Variants in OR4D1 observed in about 807,000 individuals in gnomAD.
The protein encoded by OR4D1 is olfactory receptor 4D1.
In OR4D1, 10 loss-of-function variants were observed where a neutral mutation model predicts 14.2. The ratio of observed to expected loss-of-function variants is 0.71; its 90% CI spans 0.44 to 1.20. The LOEUF (loss-of-function observed/expected upper bound fraction) is 1.20, where lower values mean the gene tolerates loss of function less well. Among genes scored for constraint, OR4D1 ranks in the 50% most tolerant of loss-of-function variants. The pLI, the probability that OR4D1 is intolerant of heterozygous loss-of-function variation, is 0.00. For synonymous variants in OR4D1, 141 were observed against 147.4 expected (o/e 0.96, Z 0.32); for missense variants, 345 against 376.6 (o/e 0.92, Z 0.70).
Position 58,157,721 on chromosome 17 carries a change from C to T in OR4D1, c.*1635C>T, listed in dbSNP as rs987407201. ...AGCGTCCATATACGCAGCATCCTAC[C>T]CGTTCCATAGACCTGTGCTTCCCAT... is the stretch of plus-strand genomic sequence containing the variant. On this transcript the variant is annotated 3_prime_UTR_variant, in exon 4 of 4. Transcript: ENST00000268912. The T allele has an allele frequency of 1.4e-5, 22 of 1,613,696 alleles. No homozygotes were observed. Among genetic ancestry groups the T allele is most frequent in the Non-Finnish European group, 1.8e-5 (21 of 1,179,808 alleles).
At chr17:58,154,550 C>T (rs1414125248) in intron 3 of OR4D1, among the ~76,000 whole-genome samples, 3 of 152,176 alleles carry the variant, frequency 2.0e-5, no homozygotes, top group African/African-American at 7.2e-5. Flanking sequence ...TTCGCTACAA[C>T]CAAGATTATC....
rs760127076 is a variant in OR4D1 at position 58,155,935 on chromosome 17, C to T, written c.782C>T (p.Pro261Leu). ...FIPCIYIYTW[P>L]FTPFLMDKAV... Reference sequence around the variant, plus strand: ...CCCTGTATCTATATCTATACCTGGCCCTTCACCCCATTCCTCATGGACAAG... The same window carrying T: ...CCCTGTATCTATATCTATACCTGGCTCTTCACCCCATTCCTCATGGACAAG... The change falls in exon 4 of 4, where the codon CCC (proline) becomes CTC (leucine). Residue 261 changes from proline (P) to leucine (L), a missense_variant. Coordinates refer to ENST00000268912, the MANE Select transcript of OR4D1 (RefSeq NM_001386095.1). 9.9e-6 allele frequency: 16 copies of T among 1,613,976 alleles called. No homozygotes were observed. The highest frequency in any genetic ancestry group is 1.4e-5 in the Non-Finnish European group (16 of 1,180,004).
chr17:58,156,045 A>G lies in OR4D1; in HGVS notation c.892A>G (p.Met298Val), dbSNP rs368147361. Reference protein sequence around the residue: ...TLRNQDMKAAMRRLGKCLVIC... With the variant: ...TLRNQDMKAAVRRLGKCLVIC... ...GAGAAACCAGGACATGAAAGCAGCC[A>G]TGAGGAGATTAGGCAAGTGCCTAGT... Residue 298 changes from methionine to valine, a missense_variant, in exon 4 of 4, where the codon ATG becomes GTG. Met to Val is a conservative substitution (Grantham distance 21). Coordinates refer to ENST00000268912, the MANE Select transcript of OR4D1 (RefSeq NM_001386095.1). 55 of 1,613,392 alleles carry G rather than the reference A, an allele frequency of 3.4e-5. No homozygotes were observed. The highest frequency in any genetic ancestry group is 4.2e-5 in the Non-Finnish European group (49 of 1,179,748).
In OR4D1 at chr17:58,157,088, C is replaced by A; in HGVS notation, c.*1002C>A. On this transcript the variant is annotated 3_prime_UTR_variant, in exon 4 of 4. Transcript: ENST00000268912. ...TCGGGCCAGGTCCGGGGCCTGGGGA[C>A]GCCGAGGCGGCCGCGGAGGAGCGCC... The A allele has an allele frequency of 6.9e-7, 1 of 1,457,510 alleles. No homozygotes were observed. The highest frequency in any genetic ancestry group is 9.1e-7 in the Non-Finnish European group (1 of 1,094,630). The allele number at this position is 1,457,510 out of a possible 1,614,324, so 90.3% of individuals were successfully genotyped here. A position where few individuals can be genotyped will look rare whatever the true frequency, so the allele number is the denominator to read the frequency against.
rs1967753729 is a variant in OR4D1, at chr17:58,155,339, G to C, written c.186G>C (p.Leu62=). 1 of 1,614,098 alleles carries C rather than the reference G, an allele frequency of 6.2e-7. No individual in the cohort carries two copies. The highest frequency in any genetic ancestry group is 8.5e-7 in the Non-Finnish European group (1 of 1,180,024). ...GGCTCCACACACCCATGTATTTTCT[G>C]CTCCGAAATCTAGCTCTCATAGACC... ...DCRLHTPMYF[L]LRNLALIDLC... Residue 62 remains leucine (L), a synonymous_variant, in exon 4 of 4, where the codon CTG becomes CTC. Transcript: ENST00000268912.
chr17:58,150,260 A>T (rs375591892), intron 2 of OR4D1, among the ~76,000 whole-genome samples: 1 of 152,212 alleles, frequency 6.6e-6, no homozygotes, highest in Non-Finnish European at 1.5e-5. Flanking sequence ...GACAATAAAG[A>T]GCCATGGAAA....
At chr17:58,154,359 C>T (rs1221768434) in intron 3 of OR4D1, among the ~76,000 whole-genome samples, 2 of 149,238 alleles carry the variant, frequency 1.3e-5, no homozygotes, top group Non-Finnish European at 3.0e-5. Flanking sequence ...CAAAGATTGT[C>T]GAGGGATATG....
intron 2 of OR4D1, among the ~76,000 whole-genome samples, chr17:58,150,785 C>T (rs1282679049): frequency 6.6e-6 from 1 of 152,050 alleles, no homozygotes; most frequent in Non-Finnish European, 1.5e-5. Flanking sequence ...CACACTGCGT[C>T]TCCTCCTCTT....
chr17:58,158,105 G>T lies in OR4D1; in HGVS notation c.*2019G>T. The T allele has an allele frequency of 6.4e-6, 1 of 156,494 alleles. No individual in the cohort carries two copies. The highest frequency in any genetic ancestry group is 1.4e-5 in the Non-Finnish European group (1 of 71,372). 9.7% of individuals were successfully genotyped at this position (156,494 alleles called of 1,614,324 possible). ...AAATATAATACATTTGTATACAGTAGATGTAAAAATTCAAATTATTTTAAA... is the reference window on the plus strand; with the variant it reads ...AAATATAATACATTTGTATACAGTATATGTAAAAATTCAAATTATTTTAAA... On this transcript the variant is annotated 3_prime_UTR_variant, in exon 4 of 4. Transcript: ENST00000268912.
Position 58,158,952 on chromosome 17 carries a change from A to G in OR4D1, c.*2866A>G, listed in dbSNP as rs2143666913. On this transcript the variant is annotated 3_prime_UTR_variant, in exon 4 of 4. Coordinates refer to ENST00000268912, the MANE Select transcript of OR4D1 (RefSeq NM_001386095.1). ...TGAAAATGGAGTTGCCAAACAGCCCATTAAGCTCCCTGGTATTTCACCTTC... is the reference window on the plus strand; with the variant it reads ...TGAAAATGGAGTTGCCAAACAGCCCGTTAAGCTCCCTGGTATTTCACCTTC... 6.6e-6 allele frequency: 1 copy of G among 152,370 alleles called. No individual in the cohort carries two copies. The highest frequency in any genetic ancestry group is 1.5e-5 in the Non-Finnish European group (1 of 68,014). The allele number at this position is 152,370 out of a possible 1,614,324, so 9.4% of individuals were successfully genotyped here. A position where few individuals can be genotyped will look rare whatever the true frequency, so the allele number is the denominator to read the frequency against.
rs979536454 is a variant in OR4D1, at chr17:58,158,092, T to C, written c.*2006T>C. The stretch of plus-strand genomic sequence containing the variant: ...TATATATATAATAAAATATAATACA[T>C]TTGTATACAGTAGATGTAAAAATTC... On this transcript the variant is annotated 3_prime_UTR_variant, in exon 4 of 4. Transcript: ENST00000268912. The C allele has an allele frequency of 6.3e-6, 1 of 158,006 alleles. No homozygotes were observed. Among genetic ancestry groups the C allele is most frequent in the African/African-American group, 2.4e-5 (1 of 41,582 alleles). The allele number at this position is 158,006 out of a possible 1,614,324, so 9.8% of individuals were successfully genotyped here.
At chr17:58,150,658 G>C (rs1373088314) in intron 2 of OR4D1, among the ~76,000 whole-genome samples, 1 of 152,176 alleles carries the variant, frequency 6.6e-6, no homozygotes, top group Non-Finnish European at 1.5e-5. Context: ...CCATTACAGT[G>C]ACACTCAAAC....
intron 2 of OR4D1, among the ~76,000 whole-genome samples, chr17:58,153,519 C>T (rs1031080096): frequency 1.3e-5 from 2 of 152,152 alleles, no homozygotes; most frequent in African/African-American, 4.8e-5. Flanking sequence ...TTGAGATAAT[C>T]CTGTTACATT....
Position 58,155,546 on chromosome 17 carries a change from G to C in OR4D1, c.393G>C (p.Arg131=), listed in dbSNP as rs767357468. The change falls in exon 4 of 4, where the codon CGG becomes CGC. Residue 131 remains arginine (R), a synonymous_variant. Transcript: ENST00000268912. The part of the protein sequence containing the change: ...DRYIAISQPL[R]YVTIMNTQLC... ...ACATAGCCATCTCCCAGCCCCTCCG[G>C]TATGTCACCATCATGAACACTCAAT... is the stretch of plus-strand genomic sequence containing the variant. 1 of 1,614,078 alleles carries C rather than the reference G, an allele frequency of 6.2e-7. No individual in the cohort carries two copies. Among genetic ancestry groups the C allele is most frequent in the African/African-American group, 1.3e-5 (1 of 74,998 alleles).
rs981167872 is a variant in OR4D1, at chr17:58,158,863, T to C, written c.*2777T>C. Reference sequence around the variant, plus strand: ...GTACCTGCTGTATATGCTAAACTTATTAGAAAATTTTATATACTTTTTAAC... The same window carrying C: ...GTACCTGCTGTATATGCTAAACTTACTAGAAAATTTTATATACTTTTTAAC... On this transcript the variant is annotated 3_prime_UTR_variant, in exon 4 of 4. Transcript: ENST00000268912. 1.3e-5 allele frequency: 2 copies of C among 152,390 alleles called. No homozygotes were observed. Among genetic ancestry groups the C allele is most frequent in the East Asian group, 1.9e-4 (1 of 5,194 alleles). 9.4% of individuals were successfully genotyped at this position (152,390 alleles called of 1,614,324 possible). A position where few individuals can be genotyped will look rare whatever the true frequency, so the allele number is the denominator to read the frequency against.
rs767480133 is a variant in OR4D1, at chr17:58,155,454, ATCT to A, written c.310_312del (p.Phe104del). Reference sequence around the variant, plus strand: ...CTCCTACCAGGGCTGCATGGCCCAGATCTTCTTCTTCCACCTTTTGGGAGGTGG... The same window carrying A: ...CTCCTACCAGGGCTGCATGGCCCAGATCTTCTTCCACCTTTTGGGAGGTGG... On this transcript the variant is annotated inframe_deletion, in exon 4 of 4. Coordinates refer to ENST00000268912, the MANE Select transcript of OR4D1 (RefSeq NM_001386095.1). The A allele has an allele frequency of 1.4e-5, 23 of 1,613,948 alleles. No homozygotes were observed. The highest frequency in any genetic ancestry group is 1.8e-5 in the Non-Finnish European group (21 of 1,180,030).
intron 2 of OR4D1, among the ~76,000 whole-genome samples, chr17:58,150,843 G>C (rs751027820): frequency 6.6e-6 from 1 of 151,696 alleles, no homozygotes; most frequent in Admixed American, 6.6e-5. Context: ...CTCCTTCCCC[G>C]AACCCTTCCC....
At position 58,155,975 on chromosome 17, in the gene OR4D1, C is replaced by CTTTTTTTTTTT. The variant is rs1272514272; in HGVS notation, c.823_824insTTTTTTTTTTT (p.Tyr275PhefsTer8). ...TCATGGACAAGGCTGTGTCCATCAG[C>CTTTTTTTTTTT]TACACAGTCATGACCCCCATGCTCA... On this transcript the variant is annotated frameshift_variant, in exon 4 of 4. Transcript: ENST00000268912. LOFTEE classifies it high-confidence loss of function. 6.2e-7 allele frequency: 1 copy of CTTTTTTTTTTT among 1,613,664 alleles called. No individual in the cohort carries two copies. Among genetic ancestry groups the CTTTTTTTTTTT allele is most frequent in the Non-Finnish European group, 8.5e-7 (1 of 1,179,610 alleles).
Position 58,157,930 on chromosome 17 carries a change from T to G in OR4D1, c.*1844T>G, listed in dbSNP as rs1454883512. The G allele has an allele frequency of 1.1e-6, 1 of 916,170 alleles. No homozygotes were observed. Among genetic ancestry groups the G allele is most frequent in the Non-Finnish European group, 1.7e-6 (1 of 581,426 alleles). The allele number at this position is 916,170 out of a possible 1,614,324, so 56.8% of individuals were successfully genotyped here. ...CCCTGAGTGCACCACCCTAAGCGGCTAGGCCGGCAGGGCCACACGACACAG... is the reference window on the plus strand; with the variant it reads ...CCCTGAGTGCACCACCCTAAGCGGCGAGGCCGGCAGGGCCACACGACACAG... On this transcript the variant is annotated 3_prime_UTR_variant, in exon 4 of 4. Coordinates refer to ENST00000268912, the MANE Select transcript of OR4D1 (RefSeq NM_001386095.1).
Sources: allele counts gnomAD v4.1 joint callset (sites outside exome capture counted in the v4.1 genomes callset), GRCh38; gene constraint gnomAD v4.1.1; transcripts MANE v1.5; gene names NCBI Gene and HGNC (gene_info 2026-07-23, HGNC 2026-07-21).